CNTNAP2: variants seen among roughly 807,000 people sequenced by gnomAD.
CNTNAP2 encodes the protein contactin-associated protein-like 2.
Under a neutral mutation model 155.2 loss-of-function variants are expected in CNTNAP2, and 98 were observed. That is an observed-to-expected ratio of 0.63 (90% CI 0.54 to 0.75). The LOEUF (loss-of-function observed/expected upper bound fraction) is 0.75. Ranked by LOEUF, CNTNAP2 falls within the 30% of genes least tolerant of loss-of-function variation. The pLI is 0.00. For missense variants in CNTNAP2, 1,727 were observed against 1,688.1 expected (o/e 1.02, Z -0.40); for synonymous variants, 651 against 631.2 (o/e 1.03, Z -0.47).
At chr7:147,433,735 G>A (rs1033829740) in intron 10 of CNTNAP2, among the ~76,000 whole-genome samples, 3 of 152,146 alleles carry the variant, frequency 2.0e-5, no homozygotes, top group Admixed American at 6.5e-5. Flanking sequence ...TTTTCAAACT[G>A]CCTGTGGGTA....
intron 1 of CNTNAP2, among the ~76,000 whole-genome samples, chr7:146,353,304 C>T (rs149663269): frequency 1.7e-3 from 258 of 152,254 alleles, no homozygotes; most frequent in Non-Finnish European, 2.7e-3. Context: ...CTATTTGCAT[C>T]CTTAAAACAC....
At chr7:148,358,509 C>G (rs1214127514) in intron 21 of CNTNAP2, among the ~76,000 whole-genome samples, 1 of 152,098 alleles carries the variant, frequency 6.6e-6, no homozygotes, top group Non-Finnish European at 1.5e-5. Flanking sequence ...TGTTCACCCG[C>G]TGGGAGCCTG....
chr7:146,456,619 A>C (rs1416121534), intron 1 of CNTNAP2, among the ~76,000 whole-genome samples: 1 of 152,174 alleles, frequency 6.6e-6, no homozygotes, highest in Non-Finnish European at 1.5e-5. Context: ...TTGGAGTTTT[A>C]ATTTTTAATT....
At chr7:146,959,299 C>G (rs543106681) in intron 3 of CNTNAP2, among the ~76,000 whole-genome samples, 1 of 152,180 alleles carries the variant, frequency 6.6e-6, no homozygotes, top group South Asian at 2.1e-4. Flanking sequence ...CCGCGCCAGG[C>G]CTAGGATCAT....
intron 13 of CNTNAP2, among the ~76,000 whole-genome samples, chr7:147,698,448 A>G (rs1227290663): frequency 6.6e-6 from 1 of 152,242 alleles, no homozygotes; most frequent in East Asian, 1.9e-4. Flanking sequence ...GTTTTAAAAT[A>G]ATGTCAGTTA....
intron 4 of CNTNAP2, among the ~76,000 whole-genome samples, chr7:147,100,296 A>C (rs1056595315): frequency 6.6e-6 from 1 of 152,176 alleles, no homozygotes; most frequent in African/African-American, 2.4e-5. Flanking sequence ...CATTGGGCCA[A>C]CCAGATGATT....
At chr7:146,387,136 C>T (rs1213046371) in intron 1 of CNTNAP2, among the ~76,000 whole-genome samples, 1 of 152,170 alleles carries the variant, frequency 6.6e-6, no homozygotes, top group African/African-American at 2.4e-5. Context: ...AATTTACCAG[C>T]CCTTGATCTT....
intron 3 of CNTNAP2, among the ~76,000 whole-genome samples, chr7:146,935,904 G>C (rs575300966): frequency 6.6e-6 from 1 of 152,202 alleles, no homozygotes; most frequent in South Asian, 2.1e-4. Context: ...TTCAACTCTT[G>C]GTGTTATCCT....
At chr7:146,363,302 G>A (rs1346293984) in intron 1 of CNTNAP2, among the ~76,000 whole-genome samples, 1 of 152,124 alleles carries the variant, frequency 6.6e-6, no homozygotes, top group Admixed American at 6.6e-5. Context: ...GGTAGCTAGT[G>A]TTCTATGAAT....
chr7:146,728,405 A>C (rs1331776733), intron 1 of CNTNAP2, among the ~76,000 whole-genome samples: 1 of 152,120 alleles, frequency 6.6e-6, no homozygotes, highest in East Asian at 1.9e-4. Flanking sequence ...TATTGCAAAT[A>C]ATGCGAGCCA....
intron 1 of CNTNAP2, among the ~76,000 whole-genome samples, chr7:146,268,028 C>G (rs1188468843): frequency 6.6e-6 from 1 of 152,136 alleles, no homozygotes; most frequent in African/African-American, 2.4e-5. Context: ...AGTGGTCATA[C>G]ATGGACTTCA....
chr7:146,680,490 T>C (rs1800482909), intron 1 of CNTNAP2, among the ~76,000 whole-genome samples: 5 of 152,290 alleles, frequency 3.3e-5, no homozygotes, highest in Admixed American at 1.3e-4. Flanking sequence ...TGAAGAACTC[T>C]TGAGAGAGAA....
intron 1 of CNTNAP2, among the ~76,000 whole-genome samples, chr7:146,702,902 C>G (rs6971070): frequency 1.4e-4 from 21 of 152,038 alleles, no homozygotes; most frequent in African/African-American, 5.1e-4. Context: ...CCAACCAAAT[C>G]ATATATGCAT....
chr7:146,927,944 G>T (rs998025720), intron 3 of CNTNAP2, among the ~76,000 whole-genome samples: 2 of 143,462 alleles, frequency 1.4e-5, no homozygotes, highest in African/African-American at 5.1e-5. Context: ...TATAGAGAAA[G>T]TTATATAATG....
intron 6 of CNTNAP2, 43 bp from the exon 7 acceptor site, chr7:147,128,650 T>C: frequency 2.5e-6 from 4 of 1,611,064 alleles, no homozygotes; most frequent in Non-Finnish European, 3.4e-6. Flanking sequence ...TAGTTCATCA[T>C]AATACAATGT....
intron 21 of CNTNAP2, among the ~76,000 whole-genome samples, chr7:148,355,100 C>A (rs1490484917): frequency 7.1e-6 from 1 of 140,350 alleles, no homozygotes; most frequent in African/African-American, 2.6e-5. Flanking sequence ...TAGGGTTAAT[C>A]ATAGTGATTC....
In CNTNAP2 at chr7:148,202,084, T is replaced by C. The variant is rs1795378404; in HGVS notation, c.3011-15204T>C. On this transcript the variant is annotated intron_variant, in intron 18 of 23. Coordinates refer to ENST00000361727, the MANE Select transcript of CNTNAP2 (RefSeq NM_014141.6). Reference sequence around the variant, plus strand: ...ATTGGCCTGGGTGCTGAAAATAGCATAGAGCCTTTTGCAGAATCCTTTATT... The same window carrying C: ...ATTGGCCTGGGTGCTGAAAATAGCACAGAGCCTTTTGCAGAATCCTTTATT... Among the ~76,000 whole-genome samples the C allele has an allele frequency of 4.6e-5, 7 of 152,012 alleles. No homozygotes were observed. In the South Asian group the frequency reaches 1.5e-3, roughly 31 times the overall value.
At chr7:147,730,040 T>C (rs1796712440) in intron 13 of CNTNAP2, among the ~76,000 whole-genome samples, 1 of 152,148 alleles carries the variant, frequency 6.6e-6, no homozygotes, top group Admixed American at 6.6e-5. Flanking sequence ...TCTATGGCTA[T>C]GAAGATGGAA....
chr7:146,452,268 T>C (rs1796495580), intron 1 of CNTNAP2, among the ~76,000 whole-genome samples: 1 of 152,160 alleles, frequency 6.6e-6, no homozygotes, highest in African/African-American at 2.4e-5. Context: ...AATTGTTTTA[T>C]TATTATTTGT....
Sources: gnomAD v4.1 joint callset for allele counts (sites outside exome capture counted in the v4.1 genomes callset) on GRCh38, gnomAD v4.1.1 for gene constraint, MANE v1.5 for transcripts, NCBI Gene and HGNC (gene_info 2026-07-23, HGNC 2026-07-21) for gene names.